Variants in ARHGEF9 observed in about 807,000 individuals in gnomAD.
ARHGEF9 encodes rho guanine nucleotide exchange factor 9.
Under a neutral mutation model 41.3 loss-of-function variants are expected in ARHGEF9, and 2 were observed. That is an observed-to-expected ratio of 0.05 (90% CI 0.02 to 0.15). The LOEUF is 0.15. ARHGEF9 is among the 10% of genes least tolerant of loss of function. The pLI is 1.00. For missense variants in ARHGEF9, 225 were observed against 424.7 expected, an observed-to-expected ratio of 0.53 and a Z score of 4.13; for synonymous variants, 160 against 154.4, an observed-to-expected ratio of 1.04 and a Z score of -0.27.
intron 1 of ARHGEF9, among the ~76,000 whole-genome samples, chrX:63,781,696 C>T (rs1398932594): frequency 1.8e-5 from 2 of 111,962 alleles, no homozygotes; most frequent in African/African-American, 6.5e-5. Context: ...TACAATTTAG[C>T]CTCCTGTTAA....
intron 1 of ARHGEF9, chrX:63,755,931 A>G (rs1274337590): frequency 1.5e-6 from 1 of 645,486 alleles, no homozygotes; most frequent in Non-Finnish European, 1.8e-6. Context: ...AAGCCAGCAT[A>G]GGGTTAAACA....
intron 1 of ARHGEF9, among the ~76,000 whole-genome samples, chrX:63,763,341 T>A (rs1176038014): frequency 3.1e-4 from 34 of 111,324 alleles, no homozygotes; most frequent in African/African-American, 1.1e-3. Flanking sequence ...TGTACACATT[T>A]TTATAGTTTG....
At chrX:63,670,462 G>C (rs2049881757) in intron 6 of ARHGEF9, 1 of 109,843 alleles carries the variant, frequency 9.1e-6, no homozygotes, top group African/African-American at 3.3e-5. Context: ...ATCCCACAAA[G>C]AGGAAATTAC....
intron 8 of ARHGEF9, among the ~76,000 whole-genome samples, chrX:63,647,526 A>G (rs1205958743): frequency 5.4e-5 from 6 of 111,619 alleles, no homozygotes; most frequent in African/African-American, 2.0e-4. Flanking sequence ...TATATGCTGG[A>G]TTACATTTAT....
At chrX:63,714,452 G>C (rs2053161773) in intron 2 of ARHGEF9, among the ~76,000 whole-genome samples, 2 of 112,112 alleles carry the variant, frequency 1.8e-5, no homozygotes, top group Non-Finnish European at 3.8e-5. Context: ...GCATCAAAGT[G>C]GCAGTCAGGA....
intron 3 of ARHGEF9, among the ~76,000 whole-genome samples, chrX:63,698,879 T>C (rs1207968565): frequency 1.8e-5 from 2 of 112,351 alleles, no homozygotes; most frequent in Non-Finnish European, 3.8e-5. Flanking sequence ...CATTCTTTCA[T>C]ATGCAATTTT....
At chrX:63,709,968 AT>A (rs1170932698) in intron 2 of ARHGEF9, among the ~76,000 whole-genome samples, 18 of 108,924 alleles carry the variant, frequency 1.7e-4, no homozygotes, top group African/African-American at 5.3e-4. Flanking sequence ...TGTGCCTTCC[AT>A]TTTTTTTTCT....
intron 4 of ARHGEF9, among the ~76,000 whole-genome samples, chrX:63,680,691 C>T (rs2050568385): frequency 2.7e-5 from 3 of 112,062 alleles, no homozygotes; most frequent in African/African-American, 9.7e-5. Flanking sequence ...GTAGATTTTA[C>T]CTCTCAAGAT....
intron 7 of ARHGEF9, among the ~76,000 whole-genome samples, chrX:63,663,966 G>C (rs2049368091): frequency 8.9e-6 from 1 of 112,100 alleles, no homozygotes; most frequent in African/African-American, 3.2e-5. Flanking sequence ...TTATACTCCA[G>C]ACTCTAGGCT....
intron 1 of ARHGEF9, among the ~76,000 whole-genome samples, chrX:63,783,181 C>A (rs1383005374): frequency 1.8e-5 from 2 of 111,471 alleles, no homozygotes; most frequent in Non-Finnish European, 3.8e-5. Context: ...GGCCCCTATA[C>A]TTCAATATAT....
intron 8 of ARHGEF9, among the ~76,000 whole-genome samples, chrX:63,648,656 A>G (rs1380345190): frequency 8.9e-6 from 1 of 111,789 alleles, no homozygotes. Flanking sequence ...ACAGACTGGC[A>G]CATTGGATAA....
chrX:63,718,244 T>C (rs1301397027), intron 2 of ARHGEF9, among the ~76,000 whole-genome samples: 1 of 111,643 alleles, frequency 9.0e-6, no homozygotes, highest in Non-Finnish European at 1.9e-5. Context: ...GGTGAGAAGA[T>C]ATTAATAGCA....
chrX:63,682,525 GAAGAA>G lies in ARHGEF9; in HGVS notation c.583-3958_583-3954del, dbSNP rs782141694. 5.2e-3 allele frequency among the ~76,000 whole-genome samples: 561 copies of G among 108,254 alleles called. 4 individuals are homozygous for G. Among genetic ancestry groups the G allele is most frequent in the African/African-American group, 0.018 (536 of 29,726 alleles). The allele number at this position is 108,254 out of a possible 115,157, so 94.0% of individuals were successfully genotyped here. A position where few individuals can be genotyped will look rare whatever the true frequency, so the allele number is the denominator to read the frequency against. ...GCGAGACTCTGTCAAAAAAAAAAAA[GAAGAA>G]AAGAAAACTACAAGCCAGTATCACT... is the stretch of plus-strand genomic sequence containing the variant. On this transcript the variant is annotated intron_variant, in intron 4 of 9. Coordinates refer to ENST00000671741, the MANE Select transcript of ARHGEF9 (RefSeq NM_001353921.2).
At chrX:63,773,919 G>C (rs1556456395) in intron 1 of ARHGEF9, among the ~76,000 whole-genome samples, 1 of 110,515 alleles carries the variant, frequency 9.0e-6, no homozygotes. Context: ...CACACCATCA[G>C]TTCTTCTGGT....
intron 8 of ARHGEF9, 123 bp downstream of exon 8, chrX:63,655,371 C>T (rs1556334373): frequency 9.5e-7 from 1 of 1,049,213 alleles, no homozygotes; most frequent in Non-Finnish European, 1.3e-6. Context: ...TAAGGAACCA[C>T]CAAAGTAGCT....
chrX:63,734,643 T>A (rs1569496190), intron 1 of ARHGEF9, among the ~76,000 whole-genome samples: 1 of 111,646 alleles, frequency 9.0e-6, no homozygotes, highest in Non-Finnish European at 1.9e-5. Context: ...TTATCCTTCT[T>A]GTGTCAGATT....
intron 5 of ARHGEF9, among the ~76,000 whole-genome samples, chrX:63,677,756 C>G (rs2050352843): frequency 9.0e-6 from 1 of 111,706 alleles, no homozygotes; most frequent in African/African-American, 3.3e-5. Flanking sequence ...TGGCAAATCC[C>G]AGGCGAATGT....
At chrX:63,731,582 T>C (rs1262976855) in intron 1 of ARHGEF9, among the ~76,000 whole-genome samples, 1 of 95,074 alleles carries the variant, frequency 1.1e-5, no homozygotes, top group Non-Finnish European at 2.1e-5. Flanking sequence ...TTTTTTTAGA[T>C]AGAGTCTTGC....
intron 3 of ARHGEF9, among the ~76,000 whole-genome samples, chrX:63,699,933 T>C (rs1556393480): frequency 8.9e-6 from 1 of 112,199 alleles, no homozygotes; most frequent in African/African-American, 3.2e-5. Flanking sequence ...TGCAAATAAT[T>C]CTGTTATAGT....
Sources: allele counts gnomAD v4.1 joint callset (sites outside exome capture counted in the v4.1 genomes callset), GRCh38; gene constraint gnomAD v4.1.1; transcripts MANE v1.5; gene names NCBI Gene and HGNC (gene_info 2026-07-23, HGNC 2026-07-21).